MSRB3: variants seen among roughly 807,000 people sequenced by gnomAD.
The protein encoded by MSRB3 is methionine-R-sulfoxide reductase B3.
A neutral mutation model predicts 21.0 loss-of-function variants in MSRB3; 13 were observed. The observed-to-expected ratio is 0.62, with a 90% confidence interval of 0.40 to 0.98. The LOEUF (loss-of-function observed/expected upper bound fraction) is 0.98, where lower values mean the gene tolerates loss of function less well. MSRB3 is among the 50% of genes least tolerant of loss of function. MSRB3 has a pLI of 0.00. For missense variants in MSRB3, 199 were observed against 230.3 expected, an observed-to-expected ratio of 0.86 and a Z score of 0.88; for synonymous variants, 87 against 88.6, an observed-to-expected ratio of 0.98 and a Z score of 0.10.
intron 6 of MSRB3, chr12:65,454,314 TAAATAAA>T: frequency 6.6e-6 from 1 of 151,494 alleles, no homozygotes; most frequent in African/African-American, 2.4e-5. Context: ...AATAAATAAA[TAAATAAA>T]TAAATAAATA....
intron 5 of MSRB3, among the ~76,000 whole-genome samples, chr12:65,428,213 G>A (rs939178517): frequency 6.6e-6 from 1 of 152,194 alleles, no homozygotes; most frequent in African/African-American, 2.4e-5. Flanking sequence ...TCACCACATG[G>A]CTGATTCAGA....
At chr12:65,391,135 G>A (rs965354165) in intron 5 of MSRB3, among the ~76,000 whole-genome samples, 1 of 152,180 alleles carries the variant, frequency 6.6e-6, no homozygotes, top group Non-Finnish European at 1.5e-5. Flanking sequence ...ATGTTGACCT[G>A]CACAAAGTGT....
At chr12:65,437,361 G>A (rs540690347) in intron 5 of MSRB3, among the ~76,000 whole-genome samples, 2 of 151,972 alleles carry the variant, frequency 1.3e-5, no homozygotes, top group Admixed American at 6.6e-5. Context: ...ATCACTGTTC[G>A]TGACAGGAAT....
chr12:65,348,716 G>A (rs879272147), intron 4 of MSRB3, among the ~76,000 whole-genome samples: 1 of 151,938 alleles, frequency 6.6e-6, no homozygotes, highest in Non-Finnish European at 1.5e-5. Context: ...TTTCTCTTGT[G>A]GGCATTTAGT....
At position 65,423,590 on chromosome 12, in the gene MSRB3, A is replaced by T. The variant is rs184591142; in HGVS notation, c.293-30138A>T. ...TTTGTTCCATGCCTTTTCTACTTCT[A>T]TTGAGATGATCATATGGTTCTTGTC... On this transcript the variant is annotated intron_variant, in intron 5 of 6. Transcript: ENST00000308259. Among the ~76,000 whole-genome samples the T allele has an allele frequency of 2.9e-3, 439 of 152,240 alleles. 4 individuals carry two copies. The highest frequency in any genetic ancestry group is 6.8e-3 in the Middle Eastern group (2 of 294).
intron 6 of MSRB3, among the ~76,000 whole-genome samples, chr12:65,455,885 C>T (rs767264529): frequency 5.9e-5 from 9 of 152,026 alleles, no homozygotes; most frequent in Non-Finnish European, 1.2e-4. Flanking sequence ...CATAGGTACA[C>T]ACCACCACAT....
At chr12:65,283,103 C>G (rs1434944773) in intron 1 of MSRB3, among the ~76,000 whole-genome samples, 1 of 152,138 alleles carries the variant, frequency 6.6e-6, no homozygotes, top group Non-Finnish European at 1.5e-5. Flanking sequence ...ATATTTGAAA[C>G]AGTAATAGCT....
At chr12:65,345,201 A>G (rs1876409344) in intron 4 of MSRB3, among the ~76,000 whole-genome samples, 1 of 152,118 alleles carries the variant, frequency 6.6e-6, no homozygotes, top group Non-Finnish European at 1.5e-5. Context: ...AGATTTTAAC[A>G]TAAAATTTCA....
chr12:65,437,624 C>T (rs759751929), intron 5 of MSRB3, among the ~76,000 whole-genome samples: 17 of 151,580 alleles, frequency 1.1e-4, no homozygotes, highest in Non-Finnish European at 1.8e-4. Context: ...AGTAGACAGA[C>T]GACAACTAAA....
intron 5 of MSRB3, among the ~76,000 whole-genome samples, chr12:65,432,402 A>G (rs867363234): frequency 6.6e-6 from 1 of 151,970 alleles, no homozygotes; most frequent in African/African-American, 2.4e-5. Flanking sequence ...CAAAATTTTA[A>G]AAGGGGGGAA....
chr12:65,295,633 T>C (rs1045386521), intron 1 of MSRB3, among the ~76,000 whole-genome samples: 1 of 152,134 alleles, frequency 6.6e-6, no homozygotes, highest in East Asian at 1.9e-4. Flanking sequence ...TAAAGACTAT[T>C]ATATAACATG....
chr12:65,402,296 G>A (rs1880173891), intron 5 of MSRB3, among the ~76,000 whole-genome samples: 1 of 152,144 alleles, frequency 6.6e-6, no homozygotes, highest in Non-Finnish European at 1.5e-5. Flanking sequence ...ATTTCTTGGA[G>A]GCTTTGATCA....
intron 5 of MSRB3, among the ~76,000 whole-genome samples, chr12:65,382,281 T>C (rs1319114287): frequency 6.6e-6 from 1 of 152,048 alleles, no homozygotes; most frequent in Non-Finnish European, 1.5e-5. Flanking sequence ...TTATGGCCTA[T>C]CAGTGGTTTT....
intron 5 of MSRB3, among the ~76,000 whole-genome samples, chr12:65,435,563 T>A (rs950606253): frequency 6.6e-6 from 1 of 151,898 alleles, no homozygotes; most frequent in African/African-American, 2.4e-5. Flanking sequence ...GTACATCAAG[T>A]TTCTTAAAAT....
intron 6 of MSRB3, among the ~76,000 whole-genome samples, chr12:65,456,210 T>C (rs1021623259): frequency 6.6e-6 from 1 of 152,204 alleles, no homozygotes; most frequent in Admixed American, 6.5e-5. Flanking sequence ...AAGCTACAAA[T>C]GCTGTTACGT....
intron 1 of MSRB3, among the ~76,000 whole-genome samples, chr12:65,293,913 A>C (rs1872801313): frequency 6.6e-6 from 1 of 152,172 alleles, no homozygotes; most frequent in Non-Finnish European, 1.5e-5. Flanking sequence ...GGAGAACAGA[A>C]AAGTTTCAGT....
intron 1 of MSRB3, among the ~76,000 whole-genome samples, chr12:65,305,881 C>T (rs1328242844): frequency 6.6e-6 from 1 of 152,156 alleles, no homozygotes. Context: ...TATAAATGTA[C>T]TGTTACAATT....
chr12:65,416,016 G>T (rs990925913), intron 5 of MSRB3, among the ~76,000 whole-genome samples: 1 of 152,204 alleles, frequency 6.6e-6, no homozygotes. Context: ...GGTAAGGTGG[G>T]ATCTCCAGGG....
chr12:65,446,888 GT>G (rs2136690813), intron 5 of MSRB3, among the ~76,000 whole-genome samples: 2 of 152,270 alleles, frequency 1.3e-5, no homozygotes, highest in African/African-American at 4.8e-5. Flanking sequence ...TGACAACGAG[GT>G]GCTTAACTGA....
Sources: gnomAD v4.1 joint callset for allele counts (sites outside exome capture counted in the v4.1 genomes callset) on GRCh38, gnomAD v4.1.1 for gene constraint, MANE v1.5 for transcripts, NCBI Gene and HGNC (gene_info 2026-07-23, HGNC 2026-07-21) for gene names.